Variants in USP7 observed in about 807,000 individuals in gnomAD.
The protein encoded by USP7 is ubiquitin C-terminal hydrolase 7.
In USP7, 9 loss-of-function variants were observed where a neutral mutation model predicts 162.9. The ratio of observed to expected loss-of-function variants is 0.06; its 90% CI spans 0.03 to 0.10. The LOEUF (loss-of-function observed/expected upper bound fraction) is 0.10, where lower values mean the gene tolerates loss of function less well. Ranked by LOEUF, USP7 falls within the 10% of genes least tolerant of loss-of-function variation. The pLI is 1.00. For missense variants in USP7, 715 were observed against 1,373.7 expected (o/e 0.52, Z 7.58); for synonymous variants, 562 against 475.9 (o/e 1.18, Z -2.35).
intron 18 of USP7, 37 bp from the exon 19 acceptor site, chr16:8,901,271 ACACT>A (rs963584027): frequency 5.5e-6 from 8 of 1,447,212 alleles, no homozygotes; most frequent in African/African-American, 2.8e-5. Flanking sequence ...TAAGATCCAA[ACACT>A]CAGCACAATG....
At chr16:8,911,007 T>C (rs540345275) in intron 10 of USP7, among the ~76,000 whole-genome samples, 180 bp from the exon 11 acceptor site, 6 of 152,368 alleles carry the variant, frequency 3.9e-5, no homozygotes, top group Admixed American at 1.3e-4. Flanking sequence ...CCTTTGCTCA[T>C]TGGCCAAAGG....
intron 30 of USP7, 75 bp from the exon 31 acceptor site, chr16:8,894,179 G>C (rs1394476794): frequency 5.1e-6 from 7 of 1,371,872 alleles, no homozygotes; most frequent in Non-Finnish European, 6.2e-6. Context: ...TGGCCAGTGA[G>C]GCATGCATCC....
Position 8,915,644 on chromosome 16 carries a change from C to G in USP7, c.907-119G>C, listed in dbSNP as rs1897334312. On this transcript the variant is annotated intron_variant, in intron 8 of 30. Coordinates refer to ENST00000344836, the MANE Select transcript of USP7 (RefSeq NM_003470.3). ...GAAGTTGTAGACTATAAAAATATGACCTCTGGCATGCAATTCTCAAAAACA... is the reference window on the plus strand; with the variant it reads ...GAAGTTGTAGACTATAAAAATATGAGCTCTGGCATGCAATTCTCAAAAACA... The G allele has an allele frequency of 6.8e-6, 6 of 882,952 alleles. No individual in the cohort carries two copies. The South Asian group carries it at 1.1e-4, about 16-fold the overall frequency. The allele number at this position is 882,952 out of a possible 1,614,324, so 54.7% of individuals were successfully genotyped here.
intron 1 of USP7, among the ~76,000 whole-genome samples, chr16:8,943,131 AAT>A (rs1899124740): frequency 6.6e-6 from 1 of 152,294 alleles, no homozygotes; most frequent in Admixed American, 6.5e-5. Flanking sequence ...GGCCACATAT[AAT>A]ATGTGATCCT....
intron 1 of USP7, among the ~76,000 whole-genome samples, chr16:8,934,987 GCC>G (rs1491294926): frequency 6.6e-6 from 1 of 152,228 alleles, no homozygotes; most frequent in Non-Finnish European, 1.5e-5. Context: ...GCACAGGATA[GCC>G]ACACACACAA....
chr16:8,915,310 G>T lies in USP7; in HGVS notation c.1022C>A (p.Ser341Tyr). 2 of 1,612,814 alleles carry T rather than the reference G, an allele frequency of 1.2e-6. No homozygotes were observed. The highest frequency in any genetic ancestry group is 2.2e-5 in the South Asian group (2 of 90,934). ...ATCATAATAATCTTCTCTTCTATCA[G>T]ACCGATAGTCTACTTCTTTACACTG... ...YIQCKEVDYR[S>Y]DRREDYYDIQ... The change falls in exon 10 of 31, where the codon TCT becomes TAT. Residue 341 changes from serine to tyrosine, a missense_variant. By Grantham distance (144) the Ser-to-Tyr change is moderately radical. Transcript: ENST00000344836.
intron 12 of USP7, 79 bp downstream of exon 12, chr16:8,908,262 G>C (rs193253795): frequency 1.7e-6 from 2 of 1,158,794 alleles, no homozygotes; most frequent in African/African-American, 3.1e-5. Context: ...AAAATATAAA[G>C]ACTGAGGAAA....
chr16:8,915,386 C>A (rs2062012386), intron 9 of USP7, 42 bp from the exon 10 acceptor site: 8 of 1,612,452 alleles, frequency 5.0e-6, no homozygotes, highest in Non-Finnish European at 5.9e-6. Context: ...TAGTAATAGT[C>A]AAAAAATTCA....
chr16:8,955,846 G>C (rs1324904646), intron 1 of USP7, among the ~76,000 whole-genome samples: 1 of 152,170 alleles, frequency 6.6e-6, no homozygotes, highest in Admixed American at 6.5e-5. Context: ...CTGTGGAGTA[G>C]AAAGGTTTGC....
intron 7 of USP7, 56 bp downstream of exon 7, chr16:8,916,969 TA>T (rs34357840): frequency 0.11 from 139,243 of 1,255,370 alleles, 359 homozygotes; most frequent in Middle Eastern, 0.16. Context: ...TCACTTGTCC[TA>T]AAAAAAAAAA....
chr16:8,942,587 G>A (rs1899097963), intron 1 of USP7, among the ~76,000 whole-genome samples: 1 of 152,148 alleles, frequency 6.6e-6, no homozygotes. Context: ...TCGCTCTGTT[G>A]GGCAGGCTGG....
chr16:8,921,401 T>C (rs9940652), intron 3 of USP7, 106 bp from the exon 4 acceptor site: 829,739 of 1,320,234 alleles, frequency 0.63, 260,887 homozygotes, highest in East Asian at 0.69. Context: ...TATGATTTCA[T>C]TGCTCTCTCC....
At chr16:8,906,637 C>T in intron 12 of USP7, 55 bp from the exon 13 acceptor site, 1 of 1,544,542 alleles carries the variant, frequency 6.5e-7, no homozygotes, top group Non-Finnish European at 8.8e-7. Context: ...AAAAATATCA[C>T]ACTTTACAGT....
chr16:8,946,561 AT>A (rs1899291761), intron 1 of USP7, among the ~76,000 whole-genome samples: 1 of 152,236 alleles, frequency 6.6e-6, no homozygotes, highest in Non-Finnish European at 1.5e-5. Flanking sequence ...TCTCAAATAT[AT>A]AAACAACAGT....
At chr16:8,926,147 C>T (rs1166755755) in intron 2 of USP7, among the ~76,000 whole-genome samples, 4 of 111,226 alleles carry the variant, frequency 3.6e-5, no homozygotes, top group African/African-American at 6.7e-5. Flanking sequence ...GAGCGAGACT[C>T]CGTCTCAAAA....
intron 2 of USP7, among the ~76,000 whole-genome samples, chr16:8,930,016 G>A (rs1010202182): frequency 6.6e-6 from 1 of 152,210 alleles, no homozygotes; most frequent in African/African-American, 2.4e-5. Flanking sequence ...ACTAGCAGTG[G>A]CTGGAGACCT....
In USP7 at chr16:8,920,417, C is replaced by T; in HGVS notation, c.553G>A (p.Asp185Asn). The change falls in exon 5 of 31, where the codon GAT becomes AAT. Residue 185 changes from aspartate (D) to asparagine (N), a missense_variant. Transcript: ENST00000344836. ...ACTTCAAAGGTAACTTTGTCATCAT[C>T]TATAAATCCTTTCTCAGGATCGGTC... ...EVTDPEKGFIDDDKVTFEVFV... is the reference protein window; with the variant it reads ...EVTDPEKGFINDDKVTFEVFV... The T allele has an allele frequency of 6.2e-7, 1 of 1,613,538 alleles. No homozygotes were observed. Among genetic ancestry groups the T allele is most frequent in the Non-Finnish European group, 8.5e-7 (1 of 1,179,872 alleles).
intron 1 of USP7, among the ~76,000 whole-genome samples, chr16:8,955,558 T>C (rs1161703330): frequency 3.3e-5 from 5 of 151,982 alleles, no homozygotes; most frequent in African/African-American, 4.8e-5. Context: ...TACAAAAAAT[T>C]AGCCGGGCAT....
chr16:8,932,067 T>TC (rs1474176312), intron 1 of USP7, among the ~76,000 whole-genome samples: 1 of 151,996 alleles, frequency 6.6e-6, no homozygotes, highest in Non-Finnish European at 1.5e-5. Context: ...CACCTCCCCC[T>TC]CCAAGAACTC....
Sources: gnomAD v4.1 joint callset for allele counts (sites outside exome capture counted in the v4.1 genomes callset) on GRCh38, gnomAD v4.1.1 for gene constraint, MANE v1.5 for transcripts, NCBI Gene and HGNC (gene_info 2026-07-23, HGNC 2026-07-21) for gene names.